CCDC181: variants seen among roughly 807,000 people sequenced by gnomAD.
The protein encoded by CCDC181 is coiled-coil domain containing 181.
A neutral mutation model predicts 58.7 loss-of-function variants in CCDC181; 35 were observed. That is an observed-to-expected ratio of 0.60 (90% confidence interval 0.46 to 0.79). CCDC181 has a LOEUF of 0.79. CCDC181 is among the 30% of genes least tolerant of loss of function. The probability of loss-of-function intolerance (pLI) is 0.00; values close to 1 mark genes in which losing one functional copy is unlikely to be tolerated. For missense variants in CCDC181, 517 were observed against 583.9 expected (o/e 0.89, Z 1.18); for synonymous variants, 183 against 197.5 (o/e 0.93, Z 0.62).
chr1:169,425,490 C>T (rs1656675888), intron 1 of CCDC181, among the ~76,000 whole-genome samples: 1 of 152,026 alleles, frequency 6.6e-6, no homozygotes, highest in South Asian at 2.1e-4. Flanking sequence ...CTAAAGGACT[C>T]AAAAGTAAGC....
chr1:169,402,874 G>A (rs1293878720), intron 4 of CCDC181, among the ~76,000 whole-genome samples: 1 of 151,944 alleles, frequency 6.6e-6, no homozygotes, highest in African/African-American at 2.4e-5. Context: ...ATTGGATAAA[G>A]AGTCAAGACC....
chr1:169,399,135 T>C (rs1245702681), intron 4 of CCDC181, among the ~76,000 whole-genome samples: 1 of 152,136 alleles, frequency 6.6e-6, no homozygotes, highest in East Asian at 1.9e-4. Flanking sequence ...TGAGAAGCCA[T>C]TGGGGGTTTC....
chr1:169,444,365 C>G (rs545778451), intron 2 of CCDC181, among the ~76,000 whole-genome samples: 1 of 152,244 alleles, frequency 6.6e-6, no homozygotes, highest in South Asian at 2.1e-4. Flanking sequence ...AACTTGTTAT[C>G]CTCGCATTAA....
At chr1:169,460,128 T>A (rs982654612) in intron 1 of CCDC181, 1 of 152,142 alleles carries the variant, frequency 6.6e-6, no homozygotes, top group Non-Finnish European at 1.5e-5. Context: ...CCCCCTTTTA[T>A]TTACTTATTT....
At chr1:169,439,147 T>G (rs1398336750) in intron 2 of CCDC181, among the ~76,000 whole-genome samples, 2 of 151,898 alleles carry the variant, frequency 1.3e-5, no homozygotes, top group Non-Finnish European at 2.9e-5. Flanking sequence ...CACCCCATGG[T>G]AGAGCTACAG....
intron 1 of CCDC181, 125 bp from the exon 2 acceptor site, chr1:169,425,075 A>C (rs1228334205): frequency 4.4e-6 from 2 of 459,768 alleles, no homozygotes; most frequent in Non-Finnish European, 8.0e-6. Context: ...TTCAAAATGA[A>C]CATGCACTTG....
intron 2 of CCDC181, among the ~76,000 whole-genome samples, chr1:169,455,621 A>C (rs1297119129): frequency 6.6e-6 from 1 of 152,180 alleles, no homozygotes; most frequent in African/African-American, 2.4e-5. Flanking sequence ...CAGAGATATT[A>C]GTGGATAATT....
At chr1:169,455,239 G>A (rs1280388526) in intron 2 of CCDC181, among the ~76,000 whole-genome samples, 1 of 151,582 alleles carries the variant, frequency 6.6e-6, no homozygotes, top group Non-Finnish European at 1.5e-5. Flanking sequence ...TTTCATAATT[G>A]AGATTTTATT....
chr1:169,405,118 C>A (rs1655578000), intron 4 of CCDC181, among the ~76,000 whole-genome samples: 1 of 152,134 alleles, frequency 6.6e-6, no homozygotes, highest in South Asian at 2.1e-4. Flanking sequence ...TGAAGGACCT[C>A]TTCAAGGAGA....
intron 2 of CCDC181, among the ~76,000 whole-genome samples, chr1:169,459,380 T>C (rs6664612): frequency 0.03 from 4,558 of 152,246 alleles, 198 homozygotes; most frequent in African/African-American, 0.1. Flanking sequence ...TGATAGAAGC[T>C]AGAATTTCTA....
At chr1:169,423,400 T>C (rs915336802) in intron 2 of CCDC181, among the ~76,000 whole-genome samples, 6 of 146,744 alleles carry the variant, frequency 4.1e-5, no homozygotes, top group Non-Finnish European at 7.5e-5. Flanking sequence ...TTCATTCTTA[T>C]AGTCTCTGTT....
chr1:169,432,603 A>C (rs527966892), intron 2 of CCDC181, among the ~76,000 whole-genome samples: 2 of 152,274 alleles, frequency 1.3e-5, no homozygotes, highest in Non-Finnish European at 2.9e-5. Flanking sequence ...ATTTGCAAAA[A>C]TCCTCTACAA....
chr1:169,398,130 G>A (rs1382890686), intron 4 of CCDC181, among the ~76,000 whole-genome samples: 2 of 152,094 alleles, frequency 1.3e-5, no homozygotes, highest in East Asian at 3.9e-4. Context: ...TGGAAGTCTG[G>A]GAATTGCTAG....
intron 2 of CCDC181, among the ~76,000 whole-genome samples, chr1:169,445,244 CTCA>C (rs1409057137): frequency 3.3e-5 from 5 of 152,176 alleles, no homozygotes; most frequent in African/African-American, 4.8e-5. Flanking sequence ...TGCCCAGTTT[CTCA>C]TCATTCACTA....
At position 169,456,221 on chromosome 1, in the gene CCDC181, G is replaced by T. The variant is rs533110057; in HGVS notation, c.-24+3576C>A. ...AGGAACCTTGCCGAACTATTCAAGA[G>T]CTCCTCCTTAACTCTCACTTAGCTA... On this transcript the variant is annotated intron_variant, in intron 2 of 6. Coordinates refer to the CCDC181 transcript ENST00000545005. Among the ~76,000 whole-genome samples the T allele has an allele frequency of 7.9e-5, 12 of 152,196 alleles. No individual in the cohort carries two copies. In the South Asian group the frequency reaches 2.5e-3, roughly 32 times the overall value.
At chr1:169,450,158 G>A (rs1189769802) in intron 2 of CCDC181, among the ~76,000 whole-genome samples, 1 of 152,136 alleles carries the variant, frequency 6.6e-6, no homozygotes, top group Non-Finnish European at 1.5e-5. Context: ...CATCCCAGTA[G>A]GTGAAACAGA....
chr1:169,408,580 A>T (rs1655798294), intron 4 of CCDC181, among the ~76,000 whole-genome samples: 1 of 152,178 alleles, frequency 6.6e-6, no homozygotes, highest in Non-Finnish European at 1.5e-5. Context: ...GTGGGTCCCT[A>T]ACCCCCGCGC....
intron 4 of CCDC181, among the ~76,000 whole-genome samples, chr1:169,405,115 C>A (rs1035880076): frequency 1.3e-5 from 2 of 152,078 alleles, no homozygotes; most frequent in Non-Finnish European, 2.9e-5. Flanking sequence ...ATGTGAAGGA[C>A]CTCTTCAAGG....
intron 2 of CCDC181, among the ~76,000 whole-genome samples, chr1:169,433,088 A>G (rs1008701128): frequency 6.6e-6 from 1 of 152,038 alleles, no homozygotes; most frequent in Admixed American, 6.6e-5. Flanking sequence ...ATACGTAGAA[A>G]ACCCTAAAGA....
Sources: allele counts gnomAD v4.1 joint callset (sites outside exome capture counted in the v4.1 genomes callset), GRCh38; gene constraint gnomAD v4.1.1; transcripts MANE v1.5; gene names NCBI Gene and HGNC (gene_info 2026-07-23, HGNC 2026-07-21).